CFAP47: variants seen among roughly 807,000 people sequenced by gnomAD.
The protein encoded by CFAP47 is cilia and flagella associated protein 47.
CFAP47 carries 29 observed loss-of-function variants against 148.1 expected under a neutral mutation model. The observed-to-expected ratio is 0.20, with a 90% CI of 0.15 to 0.27. The LOEUF is 0.27. Among genes scored for constraint, CFAP47 ranks in the 10% least tolerant of loss-of-function variants. The pLI is 1.00. For missense variants in CFAP47, 1,872 were observed against 1,697.5 expected, an observed-to-expected ratio of 1.10 and a Z score of -1.81; for synonymous variants, 664 against 577.3, an observed-to-expected ratio of 1.15 and a Z score of -2.15.
chrX:36,009,175 G>A (rs1471750813), intron 21 of CFAP47, among the ~76,000 whole-genome samples: 1 of 111,296 alleles, frequency 9.0e-6, no homozygotes, highest in Non-Finnish European at 1.9e-5. Flanking sequence ...ATCAGATGAA[G>A]ATGACAGTTT....
intron 46 of CFAP47, among the ~76,000 whole-genome samples, chrX:36,230,617 A>G (rs782290975): frequency 5.3e-4 from 58 of 109,373 alleles, no homozygotes; most frequent in Non-Finnish European, 9.8e-4. Context: ...GAGCTTAATT[A>G]GATCCCATTT....
chrX:36,312,474 A>C, intron 56 of CFAP47, among the ~76,000 whole-genome samples: 1 of 111,038 alleles, frequency 9.0e-6, no homozygotes, highest in Non-Finnish European at 1.9e-5. Flanking sequence ...CACCAAAAAA[A>C]ATATGTGTTT....
intron 33 of CFAP47, among the ~76,000 whole-genome samples, chrX:36,114,123 T>C (rs1450368158): frequency 2.7e-5 from 3 of 111,875 alleles, no homozygotes; most frequent in Admixed American, 9.5e-5. Flanking sequence ...AGATTTTCTT[T>C]ATAGCATTGT....
intron 26 of CFAP47, among the ~76,000 whole-genome samples, chrX:36,056,685 A>C (rs1000787916): frequency 9.8e-5 from 11 of 112,486 alleles, no homozygotes; most frequent in Non-Finnish European, 2.1e-4. Context: ...TCATGTTAGC[A>C]CTTGGTGCTT....
intron 16 of CFAP47, among the ~76,000 whole-genome samples, 192 bp from the exon 17 acceptor site, chrX:35,991,629 A>G (rs968414231): frequency 9.0e-6 from 1 of 110,652 alleles, no homozygotes; most frequent in African/African-American, 3.3e-5. Context: ...CTGATTTGTG[A>G]TTTATTTTGC....
At chrX:35,986,079 T>A (rs914047160) in intron 15 of CFAP47, 18 of 196,821 alleles carry the variant, frequency 9.1e-5, no homozygotes, top group Non-Finnish European at 1.1e-4. Context: ...GAATTTGTGC[T>A]CTTTTGGGGT....
At chrX:36,350,688 A>ATT (rs200627025) in intron 59 of CFAP47, among the ~76,000 whole-genome samples, 22 of 99,575 alleles carry the variant, frequency 2.2e-4, no homozygotes, top group African/African-American at 8.4e-4. Flanking sequence ...ATTATTATTT[A>ATT]TTTATTTTTT....
At chrX:36,319,352 C>T in intron 57 of CFAP47, 45 bp downstream of exon 57, 1 of 573,952 alleles carries the variant, frequency 1.7e-6, no homozygotes, top group Non-Finnish European at 2.6e-6. Context: ...TTTGTTGTTG[C>T]ATTTCAGAGA....
chrX:36,190,501 T>A (rs1215083393), intron 42 of CFAP47, among the ~76,000 whole-genome samples: 2 of 112,388 alleles, frequency 1.8e-5, no homozygotes, highest in Non-Finnish European at 3.8e-5. Flanking sequence ...CAAGACATGC[T>A]TATTATCTCA....
intron 26 of CFAP47, among the ~76,000 whole-genome samples, chrX:36,048,479 G>A (rs1328454046): frequency 9.0e-6 from 1 of 111,621 alleles, no homozygotes; most frequent in African/African-American, 3.3e-5. Flanking sequence ...CTTTCATAAT[G>A]TGGCTTCTCT....
chrX:36,288,753 C>G (rs1941159907), intron 51 of CFAP47, among the ~76,000 whole-genome samples: 1 of 111,095 alleles, frequency 9.0e-6, no homozygotes, highest in Non-Finnish European at 1.9e-5. Context: ...ACAAGTGAGA[C>G]CAGGTGCGGT....
chrX:36,289,961 C>T (rs1941177187), intron 51 of CFAP47, among the ~76,000 whole-genome samples: 1 of 110,747 alleles, frequency 9.0e-6, no homozygotes, highest in African/African-American at 3.3e-5. Flanking sequence ...ATAAGGTGCT[C>T]TGCCAAAAGG....
chrX:36,043,516 C>T (rs780630868), intron 25 of CFAP47, among the ~76,000 whole-genome samples: 2 of 113,016 alleles, frequency 1.8e-5, no homozygotes, highest in Admixed American at 9.3e-5. Flanking sequence ...AACAAAGGGG[C>T]CACAGGCCCC....
rs782700744 is a variant in CFAP47 at position 36,243,115 on chromosome X, T to C, written c.7332+6256T>C. On this transcript the variant is annotated intron_variant, in intron 48 of 63. Coordinates refer to ENST00000378653, the MANE Select transcript of CFAP47 (RefSeq NM_001304548.2). ...GCTTCATAAGTGGAGAGATAAAATCTTTCTCAGATAATCAAATGCTGAGGG... is the reference window on the plus strand; with the variant it reads ...GCTTCATAAGTGGAGAGATAAAATCCTTCTCAGATAATCAAATGCTGAGGG... Among the ~76,000 whole-genome samples the C allele has an allele frequency of 1.1e-4, 12 of 111,475 alleles. 1 individual carries two copies. The highest frequency in any genetic ancestry group is 3.6e-4 in the African/African-American group (11 of 30,751).
intron 29 of CFAP47, among the ~76,000 whole-genome samples, chrX:36,081,681 G>T (rs1937985216): frequency 9.0e-6 from 1 of 111,524 alleles, no homozygotes; most frequent in Non-Finnish European, 1.9e-5. Context: ...ATGCAAGGTT[G>T]ATTCAACACA....
At chrX:36,249,894 C>T (rs181386493) in intron 48 of CFAP47, among the ~76,000 whole-genome samples, 194 of 111,099 alleles carry the variant, frequency 1.7e-3, no homozygotes, top group Admixed American at 2.9e-3. Context: ...TTTGAAGATT[C>T]CTAGAAAAGA....
intron 51 of CFAP47, among the ~76,000 whole-genome samples, chrX:36,293,271 G>T (rs1569310323): frequency 8.9e-6 from 1 of 112,526 alleles, no homozygotes. Context: ...TATTATGAAA[G>T]TGGTTGCTGT....
At chrX:36,023,795 A>C (rs1937186677) in intron 22 of CFAP47, among the ~76,000 whole-genome samples, 1 of 111,765 alleles carries the variant, frequency 8.9e-6, no homozygotes, top group African/African-American at 3.3e-5. Context: ...CTTAAGGCAC[A>C]AGGGCTCTTC....
At chrX:35,955,383 T>A (rs1936228324) in intron 7 of CFAP47, among the ~76,000 whole-genome samples, 1 of 112,095 alleles carries the variant, frequency 8.9e-6, no homozygotes, top group Non-Finnish European at 1.9e-5. Flanking sequence ...AAAATATATC[T>A]AAAAATCTGA....
Sources: allele counts gnomAD v4.1 joint callset (sites outside exome capture counted in the v4.1 genomes callset), GRCh38; gene constraint gnomAD v4.1.1; transcripts MANE v1.5; gene names NCBI Gene and HGNC (gene_info 2026-07-23, HGNC 2026-07-21).